ATRNL1: variants seen among roughly 807,000 people sequenced by gnomAD.
ATRNL1 encodes attractin-like protein 1.
ATRNL1 carries 95 observed loss-of-function variants against 182.7 expected under a neutral mutation model. The ratio of observed to expected loss-of-function variants is 0.52; its 90% CI spans 0.44 to 0.62. The LOEUF is 0.62. Among genes scored for constraint, ATRNL1 ranks in the 20% least tolerant of loss-of-function variants. The pLI is 0.00. For missense variants in ATRNL1, 1,471 were observed against 1,679.5 expected, an observed-to-expected ratio of 0.88 and a Z score of 2.17; for synonymous variants, 576 against 568.3, an observed-to-expected ratio of 1.01 and a Z score of -0.19.
chr10:115,372,659 C>T (rs548029014), intron 19 of ATRNL1, among the ~76,000 whole-genome samples: 4 of 152,200 alleles, frequency 2.6e-5, no homozygotes, highest in Admixed American at 2.0e-4. Context: ...TTCTTGCCAC[C>T]TTTGTTGAAG....
At chr10:115,570,591 C>G (rs1301700625) in intron 26 of ATRNL1, among the ~76,000 whole-genome samples, 1 of 152,126 alleles carries the variant, frequency 6.6e-6, no homozygotes, top group Admixed American at 6.5e-5. Flanking sequence ...TGGTCACCCC[C>G]CAGTGACCTC....
intron 24 of ATRNL1, among the ~76,000 whole-genome samples, chr10:115,512,999 C>G (rs1788220667): frequency 6.6e-6 from 1 of 151,988 alleles, no homozygotes; most frequent in Admixed American, 6.6e-5. Context: ...CAGTGCAACA[C>G]AAATTTGTAA....
At chr10:115,583,962 C>G (rs1319691713) in intron 26 of ATRNL1, among the ~76,000 whole-genome samples, 1 of 151,990 alleles carries the variant, frequency 6.6e-6, no homozygotes, top group Non-Finnish European at 1.5e-5. Flanking sequence ...TAGCATGAAG[C>G]ATTGTTGAAT....
chr10:115,639,241 T>G (rs1272793148), intron 26 of ATRNL1, among the ~76,000 whole-genome samples: 2 of 152,218 alleles, frequency 1.3e-5, no homozygotes, highest in Non-Finnish European at 2.9e-5. Context: ...GTGGCATAAT[T>G]TCCAAGTGCT....
At chr10:115,538,465 T>C (rs1434061412) in intron 25 of ATRNL1, among the ~76,000 whole-genome samples, 1 of 103,792 alleles carries the variant, frequency 9.6e-6, no homozygotes, top group Non-Finnish European at 2.0e-5. Flanking sequence ...GAATATCTTT[T>C]CATGTGCTTA....
intron 8 of ATRNL1, among the ~76,000 whole-genome samples, chr10:115,190,073 A>G (rs1204551205): frequency 1.3e-5 from 2 of 152,132 alleles, no homozygotes; most frequent in Non-Finnish European, 2.9e-5. Flanking sequence ...CACACAGCCT[A>G]GGTATGTAGT....
rs1314938267 is a variant in ATRNL1, at chr10:115,740,821, AACAC to A, written c.3903+13496_3903+13499del. On this transcript the variant is annotated intron_variant, in intron 27 of 28. Coordinates refer to ENST00000355044, the MANE Select transcript of ATRNL1 (RefSeq NM_207303.4). The stretch of plus-strand genomic sequence containing the variant: ...ACACCCGGCCAATCCTATCTCTTTA[AACAC>A]ACACACACACACACACACACACACA... Among the ~76,000 whole-genome samples the A allele has an allele frequency of 1.7e-3, 96 of 57,312 alleles. 1 individual carries two copies. The highest frequency in any genetic ancestry group is 3.6e-3 in the African/African-American group (86 of 23,684). 37.6% of individuals were successfully genotyped at this position (57,312 alleles called of 152,430 possible).
intron 24 of ATRNL1, among the ~76,000 whole-genome samples, chr10:115,516,483 A>T (rs573043858): frequency 6.6e-6 from 1 of 151,838 alleles, no homozygotes; most frequent in African/African-American, 2.4e-5. Flanking sequence ...CTCTTCTCTT[A>T]TCTTCTGGAT....
intron 26 of ATRNL1, among the ~76,000 whole-genome samples, chr10:115,555,364 A>T (rs1283212999): frequency 6.6e-6 from 1 of 151,856 alleles, no homozygotes; most frequent in East Asian, 1.9e-4. Flanking sequence ...TATCTTAAAG[A>T]TATATATCTG....
chr10:115,540,034 T>G (rs1554991520), intron 25 of ATRNL1, among the ~76,000 whole-genome samples: 2 of 151,430 alleles, frequency 1.3e-5, no homozygotes, highest in African/African-American at 4.8e-5. Flanking sequence ...ATGTAAATGA[T>G]GAGTTAATGA....
At chr10:115,587,070 G>T (rs1407131145) in intron 26 of ATRNL1, among the ~76,000 whole-genome samples, 2 of 149,580 alleles carry the variant, frequency 1.3e-5, no homozygotes, top group Non-Finnish European at 3.0e-5. Context: ...CTGCTCGGGG[G>T]TCAGGGGTCA....
At chr10:115,357,088 T>C (rs1219033190) in intron 19 of ATRNL1, among the ~76,000 whole-genome samples, 1 of 151,962 alleles carries the variant, frequency 6.6e-6, no homozygotes, top group Non-Finnish European at 1.5e-5. Context: ...AATATGGCAC[T>C]ATTTGGTTTT....
chr10:115,134,248 G>T (rs1845398091), intron 5 of ATRNL1, among the ~76,000 whole-genome samples: 1 of 152,098 alleles, frequency 6.6e-6, no homozygotes, highest in Non-Finnish European at 1.5e-5. Flanking sequence ...GAATCCAGGA[G>T]CTGGTTTTTT....
chr10:115,099,184 A>T lies in ATRNL1; in HGVS notation c.293+5141A>T, dbSNP rs192888745. Among the ~76,000 whole-genome samples the T allele has an allele frequency of 7.9e-3, 1,202 of 152,328 alleles. 20 individuals carry two copies. Among genetic ancestry groups the T allele is most frequent in the African/African-American group, 0.026 (1,082 of 41,572 alleles). ...TCTAGAACTTTTTGTAAATAGAATC[A>T]TACATTATATACTTCTTTTTTGTCT... is the stretch of plus-strand genomic sequence containing the variant. On this transcript the variant is annotated intron_variant, in intron 1 of 28. Coordinates refer to ENST00000355044, the MANE Select transcript of ATRNL1 (RefSeq NM_207303.4).
intron 21 of ATRNL1, among the ~76,000 whole-genome samples, chr10:115,449,390 T>C (rs1238015912): frequency 6.6e-6 from 1 of 152,140 alleles, no homozygotes; most frequent in African/African-American, 2.4e-5. Context: ...CCACCTCCCC[T>C]TCCCACTGCA....
At chr10:115,244,238 C>A (rs1157559431) in intron 10 of ATRNL1, among the ~76,000 whole-genome samples, 1 of 151,996 alleles carries the variant, frequency 6.6e-6, no homozygotes, top group Non-Finnish European at 1.5e-5. Flanking sequence ...AATATTTGTA[C>A]CATTTCTAAT....
At chr10:115,390,063 A>T (rs1223297043) in intron 19 of ATRNL1, among the ~76,000 whole-genome samples, 1 of 151,910 alleles carries the variant, frequency 6.6e-6, no homozygotes, top group Non-Finnish European at 1.5e-5. Context: ...CTTGCTATTG[A>T]GTTGCTTGAA....
chr10:115,104,985 T>TA (rs1489486650), intron 1 of ATRNL1, among the ~76,000 whole-genome samples: 2 of 152,124 alleles, frequency 1.3e-5, no homozygotes, highest in Non-Finnish European at 2.9e-5. Context: ...AGTCAGGTAA[T>TA]ATGATGCTTC....
intron 23 of ATRNL1, among the ~76,000 whole-genome samples, chr10:115,468,774 G>T (rs1554971425): frequency 2.0e-5 from 3 of 150,714 alleles, no homozygotes; most frequent in East Asian, 1.9e-4. Context: ...TAAACAGAAT[G>T]AGCTCAGTTT....
Sources: allele counts gnomAD v4.1 joint callset (sites outside exome capture counted in the v4.1 genomes callset), GRCh38; gene constraint gnomAD v4.1.1; transcripts MANE v1.5; gene names NCBI Gene and HGNC (gene_info 2026-07-23, HGNC 2026-07-21).